Variants in CREB5 observed in about 807,000 individuals in gnomAD.
The protein encoded by CREB5 is cyclic AMP-responsive element-binding protein 5.
Under a neutral mutation model 57.1 loss-of-function variants are expected in CREB5, and 19 were observed. That is an observed-to-expected ratio of 0.33 (90% CI 0.23 to 0.49). The LOEUF is 0.49. Among genes scored for constraint, CREB5 ranks in the 20% least tolerant of loss-of-function variants. The pLI is 0.99. For synonymous variants in CREB5, 238 were observed against 238.3 expected (o/e 1.00, Z 0.01); for missense variants, 579 against 671.6 (o/e 0.86, Z 1.52).
At chr7:28,521,254 C>A (rs560313959) in intron 4 of CREB5, among the ~76,000 whole-genome samples, 54 of 152,258 alleles carry the variant, frequency 3.5e-4, no homozygotes, top group Admixed American at 5.2e-4. Flanking sequence ...ATTAGAGTTT[C>A]GGAAGGCCGT....
intron 4 of CREB5, among the ~76,000 whole-genome samples, chr7:28,554,750 G>A (rs1005724755): frequency 6.6e-5 from 10 of 152,186 alleles, no homozygotes; most frequent in Admixed American, 2.0e-4. Context: ...TTGGAGGCCC[G>A]GAGGGCGTTT....
intron 7 of CREB5, among the ~76,000 whole-genome samples, chr7:28,795,814 A>G (rs1036982435): frequency 1.4e-5 from 2 of 145,360 alleles, no homozygotes; most frequent in African/African-American, 5.2e-5. Flanking sequence ...GTGCAGTGGC[A>G]TGATCTCGGC....
At chr7:28,523,953 A>T (rs745678521) in intron 4 of CREB5, among the ~76,000 whole-genome samples, 1 of 152,194 alleles carries the variant, frequency 6.6e-6, no homozygotes, top group Non-Finnish European at 1.5e-5. Context: ...ATGTTATCAC[A>T]GGGCTCTGCC....
chr7:28,730,912 AG>A (rs1347001247), intron 7 of CREB5, among the ~76,000 whole-genome samples: 13 of 152,200 alleles, frequency 8.5e-5, no homozygotes, highest in South Asian at 2.1e-4. Context: ...TCTGAATAAA[AG>A]CATGCCTTTA....
chr7:28,723,322 C>T (rs1301996772), intron 6 of CREB5, among the ~76,000 whole-genome samples: 1 of 152,182 alleles, frequency 6.6e-6, no homozygotes, highest in Non-Finnish European at 1.5e-5. Flanking sequence ...ACACACCCTT[C>T]CTGAATGGAA....
intron 5 of CREB5, among the ~76,000 whole-genome samples, chr7:28,624,301 G>A (rs1021367089): frequency 3.3e-5 from 5 of 152,182 alleles, no homozygotes; most frequent in Non-Finnish European, 5.9e-5. Context: ...GTATACTTGA[G>A]CCTATCTATG....
At chr7:28,637,775 A>G (rs1225801280) in intron 5 of CREB5, among the ~76,000 whole-genome samples, 1 of 152,236 alleles carries the variant, frequency 6.6e-6, no homozygotes, top group African/African-American at 2.4e-5. Context: ...AAGTCAACCA[A>G]TTAAGAACTT....
intron 1 of CREB5, among the ~76,000 whole-genome samples, chr7:28,483,687 A>G (rs1334189604): frequency 6.6e-6 from 1 of 152,214 alleles, no homozygotes; most frequent in African/African-American, 2.4e-5. Context: ...CTCAGCCCAC[A>G]TGTGGTTAAT....
intron 5 of CREB5, among the ~76,000 whole-genome samples, chr7:28,713,238 G>C (rs1456308378): frequency 6.6e-6 from 1 of 152,052 alleles, no homozygotes; most frequent in East Asian, 1.9e-4. Context: ...ATGGGGTTTT[G>C]CCATGTTGCT....
intron 5 of CREB5, among the ~76,000 whole-genome samples, chr7:28,671,470 A>C (rs1439551852): frequency 6.6e-6 from 1 of 152,206 alleles, no homozygotes; most frequent in African/African-American, 2.4e-5. Flanking sequence ...TTCAACTAGA[A>C]CACAGCAATC....
intron 1 of CREB5, among the ~76,000 whole-genome samples, chr7:28,321,725 C>T (rs1785498616): frequency 6.6e-6 from 1 of 152,134 alleles, no homozygotes; most frequent in South Asian, 2.1e-4. Context: ...AGCAGAGGCC[C>T]CAAGCCCTAG....
Position 28,560,971 on chromosome 7 carries a change from TGC to T in CREB5, c.292-9392_292-9391del, listed in dbSNP as rs1491558108. On this transcript the variant is annotated intron_variant, in intron 4 of 10. Transcript: ENST00000357727. ...GTGTGCGTGTGTGTGCGTGTGTGTG[TGC>T]GTGTGTGCGTGCGTGTGTGTGCCTG... is the stretch of plus-strand genomic sequence containing the variant. Among the ~76,000 whole-genome samples the T allele has an allele frequency of 6.5e-4, 35 of 54,054 alleles. 9 individuals are homozygous for T. The highest frequency in any genetic ancestry group is 1.8e-3 in the African/African-American group (31 of 17,144). 35.5% of individuals were successfully genotyped at this position (54,054 alleles called of 152,430 possible).
chr7:28,582,137 A>G (rs1461321943), intron 5 of CREB5, among the ~76,000 whole-genome samples: 1 of 152,198 alleles, frequency 6.6e-6, no homozygotes, highest in Non-Finnish European at 1.5e-5. Context: ...CTGGGTTTTT[A>G]TAAAAGGTGA....
intron 3 of CREB5, among the ~76,000 whole-genome samples, chr7:28,497,155 C>A (rs1792091140): frequency 1.3e-5 from 2 of 152,230 alleles, no homozygotes; most frequent in African/African-American, 2.4e-5. Context: ...AGGGAGATTA[C>A]TACTACAGTG....
intron 7 of CREB5, among the ~76,000 whole-genome samples, chr7:28,775,566 T>A (rs887379640): frequency 1.2e-5 from 1 of 82,544 alleles, no homozygotes; most frequent in African/African-American, 4.7e-5. Flanking sequence ...ATATATATAT[T>A]AGCGTATTTT....
At chr7:28,321,675 C>CCAGGGAGG (rs1164911926) in intron 1 of CREB5, among the ~76,000 whole-genome samples, 1 of 152,148 alleles carries the variant, frequency 6.6e-6, no homozygotes, top group African/African-American at 2.4e-5. Flanking sequence ...AGAACCCATC[C>CCAGGGAGG]CAGGGAGGCA....
chr7:28,730,240 G>A lies in CREB5; in HGVS notation c.702+5908G>A, dbSNP rs150883254. On this transcript the variant is annotated intron_variant, in intron 7 of 10. Transcript: ENST00000357727. ...GCTCTATCAACCAGACTAAAGTGCA[G>A]TGGAGGGACCATGGCTCACTGCAGC... 4.0e-3 allele frequency among the ~76,000 whole-genome samples: 612 copies of A among 152,256 alleles called. 3 individuals are homozygous for A. Among genetic ancestry groups the A allele is most frequent in the Middle Eastern group, 0.014 (4 of 294 alleles).
At chr7:28,610,950 G>T (rs1433172133) in intron 5 of CREB5, among the ~76,000 whole-genome samples, 2 of 151,920 alleles carry the variant, frequency 1.3e-5, no homozygotes, top group Non-Finnish European at 2.9e-5. Context: ...GTCTGTGGGA[G>T]GAGAGGCATG....
intron 1 of CREB5, among the ~76,000 whole-genome samples, chr7:28,336,478 G>A (rs1408378005): frequency 2.6e-5 from 4 of 151,698 alleles, no homozygotes; most frequent in Non-Finnish European, 5.9e-5. Context: ...CCAATTTATT[G>A]TCATATTGTT....
Sources: allele counts gnomAD v4.1 joint callset (sites outside exome capture counted in the v4.1 genomes callset), GRCh38; gene constraint gnomAD v4.1.1; transcripts MANE v1.5; gene names NCBI Gene and HGNC (gene_info 2026-07-23, HGNC 2026-07-21).